The following RNF213 variants were observed in gnomAD, a reference collection of about 807,000 sequenced individuals.
RNF213 encodes the protein ring finger protein 213, also known as E3 ubiquitin-protein ligase RNF213.
Under a neutral mutation model 514.4 loss-of-function variants are expected in RNF213, and 341 were observed. The observed-to-expected ratio is 0.66, with a 90% confidence interval of 0.61 to 0.73. The LOEUF is 0.73. Ranked by LOEUF, RNF213 falls within the 30% of genes least tolerant of loss-of-function variation. The pLI is 0.00. For missense variants in RNF213, 5,767 were observed against 6,615.6 expected (o/e 0.87, Z 4.45); for synonymous variants, 2,655 against 2,658.2 (o/e 1.00, Z 0.04).
intron 11 of RNF213, among the ~76,000 whole-genome samples, chr17:80,303,739 T>C (rs571796973): frequency 6.6e-6 from 1 of 151,488 alleles, no homozygotes; most frequent in African/African-American, 2.4e-5. Flanking sequence ...TGTGGCTAAT[T>C]TTTGTATTTT....
intron 11 of RNF213, among the ~76,000 whole-genome samples, chr17:80,305,633 A>T (rs1227097199): frequency 7.5e-5 from 11 of 145,816 alleles, no homozygotes; most frequent in Non-Finnish European, 1.2e-4. Flanking sequence ...TTTTTTTGAG[A>T]CAGAGTCTCA....
In RNF213 at chr17:80,367,774, G is replaced by C; in HGVS notation, c.11898G>C (p.Lys3966Asn). 1 of 1,614,228 alleles carries C rather than the reference G, an allele frequency of 6.2e-7. No individual in the cohort carries two copies. Among genetic ancestry groups the C allele is most frequent in the South Asian group, 1.1e-5 (1 of 91,084 alleles). ...GTCTTCGAGAGAACTCTGACGTGAA[G>C]ACGCACGGGCCTTTTGAGGCCGTGA... Reference protein sequence around the residue: ...DKCLRENSDVKTHGPFEAVMR... With the variant: ...DKCLRENSDVNTHGPFEAVMR... The change falls in exon 43 of 68, where the codon AAG becomes AAC. Residue 3966 changes from lysine (K) to asparagine (N), a missense_variant. This residue lies in a region of RNF213 where 355 missense variants were observed against 358.0 expected (regional missense o/e 0.99). Transcript: ENST00000582970.
intron 2 of RNF213, among the ~76,000 whole-genome samples, chr17:80,267,766 C>T (rs1390315935): frequency 1.3e-5 from 2 of 152,056 alleles, no homozygotes; most frequent in East Asian, 1.9e-4. Context: ...AGTAAGTTCT[C>T]CAGATCTGGC....
chr17:80,286,285 G>A lies in RNF213; in HGVS notation c.262-1530G>A, dbSNP rs8077261. Among the ~76,000 whole-genome samples the A allele has an allele frequency of 3.1e-3, 477 of 152,216 alleles. 3 individuals are homozygous for A. Among genetic ancestry groups the A allele is most frequent in the African/African-American group, 0.011 (457 of 41,532 alleles). On this transcript the variant is annotated intron_variant, in intron 3 of 67. Coordinates refer to ENST00000582970, the MANE Select transcript of RNF213 (RefSeq NM_001256071.3). The stretch of plus-strand genomic sequence containing the variant: ...GGGAGATGTTATGGGTCGGAGGGTC[G>A]GGGGGTGGGGGCGCCTCCTGTGCTT...
chr17:80,293,561 C>T (rs1450151691), intron 8 of RNF213, among the ~76,000 whole-genome samples: 3 of 151,982 alleles, frequency 2.0e-5, no homozygotes, highest in East Asian at 1.9e-4. Context: ...TGGTGGCTCA[C>T]GCCTGTAATC....
At chr17:80,313,260 G>A (rs1179644876) in intron 15 of RNF213, 93 bp downstream of exon 15, 14 of 1,497,928 alleles carry the variant, frequency 9.3e-6, no homozygotes, top group Non-Finnish European at 1.3e-5. Flanking sequence ...CTGGCCAGGG[G>A]CAGTTGTTGG....
At chr17:80,326,979 T>C (rs2046296868) in intron 18 of RNF213, among the ~76,000 whole-genome samples, 1 of 152,224 alleles carries the variant, frequency 6.6e-6, no homozygotes, top group Non-Finnish European at 1.5e-5. Flanking sequence ...GCCCTCTAAA[T>C]TTATCATAAA....
chr17:80,362,521 G>A (rs896974561), intron 39 of RNF213, among the ~76,000 whole-genome samples: 9 of 152,208 alleles, frequency 5.9e-5, no homozygotes, highest in African/African-American at 9.7e-5. Flanking sequence ...TCATGTTTAC[G>A]TATTCATTTT....
At position 80,263,569 on chromosome 17, in the gene RNF213, C is replaced by G. The variant is rs899526386; in HGVS notation, c.-108-5C>G. ...AGCTGGGCTGCTGTGATTTCACTTT[C>G]GCAGAAAATGAAACTGAAGCCGTGG... On this transcript the variant is annotated splice_region_variant and splice_polypyrimidine_tract_variant and intron_variant, in intron 1 of 67. Coordinates refer to ENST00000582970, the MANE Select transcript of RNF213 (RefSeq NM_001256071.3). This position sits in a 1 kb window ranked among gnomAD's most constrained non-coding sequence, Gnocchi z 4.9. 1 of 911,550 alleles carries G rather than the reference C, an allele frequency of 1.1e-6. No individual in the cohort carries two copies. Among genetic ancestry groups the G allele is most frequent in the African/African-American group, 1.6e-5 (1 of 61,184 alleles). The allele number at this position is 911,550 out of a possible 1,614,324, so 56.5% of individuals were successfully genotyped here. A position where few individuals can be genotyped will look rare whatever the true frequency, so the allele number is the denominator to read the frequency against.
chr17:80,342,439 A>C (rs2078179730), intron 26 of RNF213, among the ~76,000 whole-genome samples: 1 of 151,854 alleles, frequency 6.6e-6, no homozygotes, highest in South Asian at 2.1e-4. Flanking sequence ...ATCTGATGTT[A>C]TGTTGCATCA....
At position 80,332,481 on chromosome 17, in the gene RNF213, C is replaced by T. The variant is rs1237920238; in HGVS notation, c.3993C>T (p.Asp1331=). The T allele has an allele frequency of 6.5e-7, 1 of 1,537,052 alleles. No individual in the cohort carries two copies. Among genetic ancestry groups the T allele is most frequent in the Middle Eastern group, 1.7e-4 (1 of 5,990 alleles). ...LKIMCTVDHQ[D]QRDWIKDRVE... ...TCATGTGCACCGTGGACCACCAGGA[C>T]CAAAGAGATTGGATCAAGGACCGAG... Residue 1331 remains aspartate, a synonymous_variant, in exon 21 of 68, where the codon GAC becomes GAT. Transcript: ENST00000582970.
At chr17:80,364,786 C>G in intron 42 of RNF213, 1 of 525,690 alleles carries the variant, frequency 1.9e-6, no homozygotes, top group Non-Finnish European at 3.4e-6. Flanking sequence ...AGAAGTGATT[C>G]CAGGAACTGT....
chr17:80,312,382 G>A (rs2045600612), intron 14 of RNF213, among the ~76,000 whole-genome samples: 1 of 152,132 alleles, frequency 6.6e-6, no homozygotes, highest in African/African-American at 2.4e-5. Flanking sequence ...CGGCACGGAG[G>A]CGGGGGGAGA....
chr17:80,380,933 T>C lies in RNF213; in HGVS notation c.13743T>C (p.Leu4581=), dbSNP rs144882669. The change falls in exon 56 of 68, where the codon CTT becomes CTC. Residue 4581 remains leucine, a synonymous_variant. Coordinates refer to ENST00000582970, the MANE Select transcript of RNF213 (RefSeq NM_001256071.3). ...DRGLPPVVFL[L]IRLLTHLALL... ...GGCTGCCCCCAGTGGTCTTCCTCCT[T>C]ATCCGGCTACTCACTCACTTGGCTC... 33 of 1,614,058 alleles carry C rather than the reference T, an allele frequency of 2.0e-5. No individual in the cohort carries two copies. The African/African-American group carries it at 4.3e-4, about 21-fold the overall frequency.
rs1319980205 is a variant in RNF213 at position 80,370,736 on chromosome 17, C to A, written c.12425+869C>A. On this transcript the variant is annotated intron_variant, in intron 46 of 67. Coordinates refer to ENST00000582970, the MANE Select transcript of RNF213 (RefSeq NM_001256071.3). ...TCACTCATGACAAGCCCTGGGTTAT[C>A]AGCCGGCTGCTGTGTTCATGGACCG... Among the ~76,000 whole-genome samples the A allele has an allele frequency of 9.2e-5, 14 of 152,308 alleles. No individual in the cohort carries two copies. The South Asian group carries it at 2.5e-3, about 27-fold the overall frequency.
rs1972999478 is a variant in RNF213 at position 80,339,493 on chromosome 17, T to C, written c.5126T>C (p.Leu1709Pro). ...CTGAACTTCTACACGGCAGAGCAGC[T>C]GGTTTACCTGAGCACTGAGCTCAGG... Reference protein sequence around the residue: ...FYLNFYTAEQLVYLSTELRKQ... With the variant: ...FYLNFYTAEQPVYLSTELRKQ... The change falls in exon 26 of 68, where the codon CTG becomes CCG. Residue 1709 changes from leucine to proline, a missense_variant. By Grantham distance (98) the Leu-to-Pro change is moderately conservative. Coordinates refer to ENST00000582970, the MANE Select transcript of RNF213 (RefSeq NM_001256071.3). The C allele has an allele frequency of 6.5e-7, 1 of 1,537,074 alleles. No individual in the cohort carries two copies. Among genetic ancestry groups the C allele is most frequent in the South Asian group, 1.2e-5 (1 of 84,058 alleles).
At chr17:80,371,843 A>G (rs749440727) in intron 46 of RNF213, 31 bp from the exon 47 acceptor site, 3 of 1,135,754 alleles carry the variant, frequency 2.6e-6, no homozygotes, top group Non-Finnish European at 4.0e-6. Flanking sequence ...CAGATCTGAG[A>G]GAACCAGGAA....
rs1268317126 is a variant in RNF213 at position 80,287,998 on chromosome 17, C to T, written c.445C>T (p.Gln149Ter). Residue 149 changes from glutamine (Q) to a stop codon, truncating the protein, a stop_gained, in exon 4 of 68, where the codon CAG becomes TAG. Coordinates refer to ENST00000582970, the MANE Select transcript of RNF213 (RefSeq NM_001256071.3). LOFTEE classifies it high-confidence loss of function. ...QQSGPTGQPS[Q>*]PPGTATTPLE... Reference sequence around the variant, plus strand: ...GAGTGGCCCCACTGGCCAGCCGAGCCAGCCCCCAGGCACAGCCACCACGCC... The same window carrying T: ...GAGTGGCCCCACTGGCCAGCCGAGCTAGCCCCCAGGCACAGCCACCACGCC... 1 of 1,587,842 alleles carries T rather than the reference C, an allele frequency of 6.3e-7. No homozygotes were observed. Among genetic ancestry groups the T allele is most frequent in the African/African-American group, 1.3e-5 (1 of 74,592 alleles).
At position 80,386,822 on chromosome 17, in the gene RNF213, C is replaced by T. The variant is rs570625378; in HGVS notation, c.14853C>T (p.Phe4951=). The change falls in exon 63 of 68, where the codon TTC becomes TTT. Residue 4951 remains phenylalanine (F), a synonymous_variant. Coordinates refer to ENST00000582970, the MANE Select transcript of RNF213 (RefSeq NM_001256071.3). ...VEEGRETVQE[F]DLEKIQRQIV... ...AGGGCAGAGAGACCGTGCAGGAGTT[C>T]GATCTGGAGAAGATTCAGCGGCAGA... is the stretch of plus-strand genomic sequence containing the variant. 379 of 1,614,190 alleles carry T rather than the reference C, an allele frequency of 2.3e-4. 3 individuals are homozygous for T. In the South Asian group the frequency reaches 3.6e-3, roughly 15 times the overall value.
Sources: gnomAD v4.1 joint callset for allele counts (sites outside exome capture counted in the v4.1 genomes callset) on GRCh38, gnomAD v4.1.1 for gene constraint, gnomAD v4.1.1 regional missense constraint, Gnocchi (gnomAD v3.1) non-coding constraint, MANE v1.5 for transcripts, NCBI Gene and HGNC (gene_info 2026-07-23, HGNC 2026-07-21) for gene names.